Variants in RILPL1 observed in about 807,000 individuals in gnomAD.
RILPL1 encodes the protein RILP-like protein 1.
Under a neutral mutation model 50.3 loss-of-function variants are expected in RILPL1, and 33 were observed. The observed-to-expected ratio is 0.66, with a 90% CI of 0.50 to 0.88. The LOEUF is 0.88. RILPL1 is among the 40% of genes least tolerant of loss of function. The probability of loss-of-function intolerance (pLI) is 0.00; values close to 1 mark genes in which losing one functional copy is unlikely to be tolerated. For synonymous variants in RILPL1, 205 were observed against 228.6 expected (o/e 0.90, Z 0.93); for missense variants, 418 against 542.5 (o/e 0.77, Z 2.28).
chr12:123,525,527 C>T (rs984107501), intron 1 of RILPL1, among the ~76,000 whole-genome samples: 4 of 151,050 alleles, frequency 2.6e-5, no homozygotes, highest in Admixed American at 2.0e-4. Context: ...TGGTGAAACC[C>T]TGTCTCTACT....
At chr12:123,478,774 G>C (rs1881769021) in intron 6 of RILPL1, among the ~76,000 whole-genome samples, 1 of 152,234 alleles carries the variant, frequency 6.6e-6, no homozygotes, top group East Asian at 1.9e-4. Flanking sequence ...CCTGCAAAAG[G>C]CAACTGTGTG....
At chr12:123,528,433 GT>G (rs201546898) in intron 1 of RILPL1, among the ~76,000 whole-genome samples, 14 of 141,282 alleles carry the variant, frequency 9.9e-5, no homozygotes, top group African/African-American at 1.3e-4. Flanking sequence ...GTTGTTGTTT[GT>G]TTTTTTTTTT....
chr12:123,493,956 G>C (rs969412216), intron 4 of RILPL1, among the ~76,000 whole-genome samples: 1 of 151,794 alleles, frequency 6.6e-6, no homozygotes, highest in African/African-American at 2.4e-5. Flanking sequence ...GGCTTTTTTT[G>C]TATATTTAGT....
intron 3 of RILPL1, 60 bp downstream of exon 3, chr12:123,499,358 G>A: frequency 8.6e-7 from 1 of 1,167,478 alleles, no homozygotes; most frequent in Non-Finnish European, 1.3e-6. Context: ...GGAGGGTCTG[G>A]TCTCTGGCTG....
chr12:123,532,912 T>C (rs759134634), intron 1 of RILPL1, among the ~76,000 whole-genome samples: 3 of 152,140 alleles, frequency 2.0e-5, no homozygotes, highest in Non-Finnish European at 4.4e-5. Context: ...GTTAAGTAAC[T>C]TACCTAAAGT....
chr12:123,521,497 C>T (rs1884998449), intron 2 of RILPL1, among the ~76,000 whole-genome samples: 1 of 146,066 alleles, frequency 6.8e-6, no homozygotes, highest in South Asian at 2.2e-4. Flanking sequence ...CTTTTCAGTG[C>T]CATATATGTT....
chr12:123,528,178 G>A (rs1315388922), intron 1 of RILPL1, among the ~76,000 whole-genome samples: 1 of 151,858 alleles, frequency 6.6e-6, no homozygotes, highest in Non-Finnish European at 1.5e-5. Flanking sequence ...GCCAGCCTGG[G>A]CAACATGGCA....
At chr12:123,515,092 A>G (rs767674818) in intron 2 of RILPL1, among the ~76,000 whole-genome samples, 4 of 151,982 alleles carry the variant, frequency 2.6e-5, no homozygotes, top group Non-Finnish European at 5.9e-5. Flanking sequence ...CACCATGCCC[A>G]GCTAATTTAA....
At chr12:123,514,957 G>T (rs1191004550) in intron 2 of RILPL1, among the ~76,000 whole-genome samples, 3 of 150,984 alleles carry the variant, frequency 2.0e-5, no homozygotes, top group African/African-American at 7.3e-5. Flanking sequence ...AAGAGACAGG[G>T]TCTTGCTCTG....
At chr12:123,487,684 C>T (rs529662610) in intron 4 of RILPL1, among the ~76,000 whole-genome samples, 5 of 152,342 alleles carry the variant, frequency 3.3e-5, no homozygotes, top group South Asian at 2.1e-4. Context: ...CTTCAGCTGA[C>T]GGACATCAGA....
chr12:123,483,333 C>A (rs1882121186), intron 6 of RILPL1, among the ~76,000 whole-genome samples: 1 of 152,216 alleles, frequency 6.6e-6, no homozygotes, highest in Admixed American at 6.5e-5. Context: ...TGACCCTAGG[C>A]AGGTGCCTCT....
chr12:123,506,464 G>A (rs1883757727), intron 2 of RILPL1, among the ~76,000 whole-genome samples: 1 of 152,188 alleles, frequency 6.6e-6, no homozygotes, highest in African/African-American at 2.4e-5. Flanking sequence ...ACCAGGAAGG[G>A]GCAGCCAGAG....
chr12:123,523,835 G>C (rs559446881), intron 1 of RILPL1, among the ~76,000 whole-genome samples, 190 bp from the exon 2 acceptor site: 3 of 152,342 alleles, frequency 2.0e-5, no homozygotes, highest in African/African-American at 4.8e-5. Flanking sequence ...CCCTTCTTTG[G>C]GGCAGATGCC....
intron 4 of RILPL1, among the ~76,000 whole-genome samples, chr12:123,493,188 A>G (rs928312200): frequency 6.6e-6 from 1 of 152,188 alleles, no homozygotes; most frequent in Non-Finnish European, 1.5e-5. Context: ...AACCGCCTTA[A>G]GGCTGGAGGT....
chr12:123,533,537 G>C lies in RILPL1; in HGVS notation c.-55C>G. ...GCAAACTCGTGCAACTCCCAAACTTGCCGCTGTCGAGGGCCGGGCCGGCCG... is the reference window on the plus strand; with the variant it reads ...GCAAACTCGTGCAACTCCCAAACTTCCCGCTGTCGAGGGCCGGGCCGGCCG... On this transcript the variant is annotated 5_prime_UTR_variant, in exon 1 of 7. Transcript: ENST00000376874. The surrounding 1 kb of genome is among the most constrained non-coding windows in gnomAD (Gnocchi z 6.2). The C allele has an allele frequency of 7.1e-7, 1 of 1,402,030 alleles. No individual in the cohort carries two copies. Among genetic ancestry groups the C allele is most frequent in the Non-Finnish European group, 9.4e-7 (1 of 1,067,368 alleles). 86.8% of individuals were successfully genotyped at this position (1,402,030 alleles called of 1,614,324 possible).
intron 2 of RILPL1, among the ~76,000 whole-genome samples, chr12:123,518,737 C>T (rs1468423111): frequency 6.6e-6 from 1 of 151,962 alleles, no homozygotes; most frequent in African/African-American, 2.4e-5. Flanking sequence ...TTTGGATCTA[C>T]TGGGTTCAGT....
chr12:123,504,987 TA>T (rs1412316097), intron 2 of RILPL1, among the ~76,000 whole-genome samples: 1 of 152,150 alleles, frequency 6.6e-6, no homozygotes, highest in African/African-American at 2.4e-5. Context: ...TGCCCTCACA[TA>T]TTTTTGCATA....
In RILPL1 at chr12:123,498,398, G is replaced by A; in HGVS notation, c.801+146C>T. The A allele has an allele frequency of 1.5e-6, 1 of 681,528 alleles. No homozygotes were observed. Among genetic ancestry groups the A allele is most frequent in the Non-Finnish European group, 2.5e-6 (1 of 401,580 alleles). 42.2% of individuals were successfully genotyped at this position (681,528 alleles called of 1,614,324 possible). The stretch of plus-strand genomic sequence containing the variant: ...CCACGCGTGGCTAATTAAAAAAAAT[G>A]TTTGTAGAGAATTGGGGTCTTGCTA... On this transcript the variant is annotated intron_variant, in intron 4 of 6. Transcript: ENST00000376874. The surrounding 1 kb of genome is among the most constrained non-coding windows in gnomAD (Gnocchi z 4.3).
chr12:123,481,475 G>A (rs1157583318), intron 6 of RILPL1, among the ~76,000 whole-genome samples: 2 of 152,152 alleles, frequency 1.3e-5, no homozygotes, highest in African/African-American at 4.8e-5. Flanking sequence ...ACCAAGCCAG[G>A]GGTGGAGGAA....
Sources: gnomAD v4.1 joint callset for allele counts (sites outside exome capture counted in the v4.1 genomes callset) on GRCh38, gnomAD v4.1.1 for gene constraint, Gnocchi (gnomAD v3.1) non-coding constraint, MANE v1.5 for transcripts, NCBI Gene and HGNC (gene_info 2026-07-23, HGNC 2026-07-21) for gene names.